Variants in ZNF66 observed in about 807,000 individuals in gnomAD.
ZNF66 encodes putative zinc finger protein 66.
In ZNF66, 32 loss-of-function variants were observed where a neutral mutation model predicts 35.2. That is an observed-to-expected ratio of 0.91 (90% CI 0.69 to 1.22). The LOEUF is 1.22. Ranked by LOEUF, ZNF66 falls within the 50% of genes most tolerant of loss-of-function variation. ZNF66 has a pLI of 0.00. For synonymous variants in ZNF66, 231 were observed against 181.3 expected, an observed-to-expected ratio of 1.27 and a Z score of -2.20; for missense variants, 666 against 543.1, an observed-to-expected ratio of 1.23 and a Z score of -2.25.
intron 2 of ZNF66, 30 bp from the exon 3 acceptor site, chr19:20,793,753 G>T: frequency 1.2e-6 from 1 of 814,996 alleles, no homozygotes; most frequent in Non-Finnish European, 1.8e-6. Context: ...ATGTGAGCAA[G>T]ATTCATGTTA....
At chr19:20,783,464 A>G (rs1437506061) in intron 1 of ZNF66, among the ~76,000 whole-genome samples, 1 of 152,172 alleles carries the variant, frequency 6.6e-6, no homozygotes, top group Non-Finnish European at 1.5e-5. Context: ...ACTCCAGATT[A>G]TCTTTATCTG....
chr19:20,778,551 A>G (rs916506239), intron 1 of ZNF66, among the ~76,000 whole-genome samples: 3 of 152,192 alleles, frequency 2.0e-5, no homozygotes. Flanking sequence ...TGGGAGGCCT[A>G]GACAGGTTGA....
chr19:20,792,945 A>G (rs1229248306), intron 2 of ZNF66, among the ~76,000 whole-genome samples: 2 of 151,990 alleles, frequency 1.3e-5, no homozygotes, highest in Non-Finnish European at 2.9e-5. Flanking sequence ...GCATGCACCT[A>G]TAATCCCAGG....
intron 3 of ZNF66, among the ~76,000 whole-genome samples, chr19:20,801,182 T>C (rs1971444243): frequency 6.6e-6 from 1 of 151,760 alleles, no homozygotes; most frequent in Non-Finnish European, 1.5e-5. Flanking sequence ...ATTTTCATGG[T>C]ACATAACTTT....
chr19:20,805,219 G>T (rs1243289394), intron 3 of ZNF66, among the ~76,000 whole-genome samples: 2 of 151,984 alleles, frequency 1.3e-5, no homozygotes, highest in African/African-American at 4.8e-5. Flanking sequence ...TGCCATTACA[G>T]AGTCTCACTC....
Position 20,806,607 on chromosome 19 carries a change from C to T in ZNF66, c.1007C>T (p.Thr336Ile), listed in dbSNP as rs775491114. The change falls in exon 4 of 4, where the codon ACT (threonine) becomes ATT (isoleucine). Residue 336 changes from threonine (T) to isoleucine (I), a missense_variant. Thr to Ile is a moderately conservative substitution (Grantham distance 89). Coordinates refer to ENST00000344519, the MANE Select transcript of ZNF66 (RefSeq NM_001355197.2). ...CTTACTACACATAAGAGAATTCATACTGGAGAGAAACCCTACAAATGTGAA... is the reference window on the plus strand; with the variant it reads ...CTTACTACACATAAGAGAATTCATATTGGAGAGAAACCCTACAAATGTGAA... Reference protein sequence around the residue: ...SHLTTHKRIHTGEKPYKCEEC... With the variant: ...SHLTTHKRIHIGEKPYKCEEC... 2.1e-5 allele frequency: 34 copies of T among 1,593,022 alleles called. No homozygotes were observed. Among genetic ancestry groups the T allele is most frequent in the Non-Finnish European group, 2.8e-5 (32 of 1,162,176 alleles).
At chr19:20,799,065 C>CTTTTTTTTTTTTTTTTT in intron 3 of ZNF66, 1 of 128,152 alleles carries the variant, frequency 7.8e-6, no homozygotes, top group African/African-American at 3.0e-5. Context: ...TTCTTTCTTT[C>CTTTTTTTTTTTTTTTTT]TTTTTTTTTT....
chr19:20,798,978 G>T (rs1971420973), intron 3 of ZNF66: 1 of 150,944 alleles, frequency 6.6e-6, no homozygotes, highest in South Asian at 2.1e-4. Flanking sequence ...CAAAATACAT[G>T]TATTTTCAAT....
At chr19:20,776,550 T>G in intron 1 of ZNF66, 100 bp downstream of exon 1, 1 of 1,403,012 alleles carries the variant, frequency 7.1e-7, no homozygotes, top group Non-Finnish European at 1.0e-6. Context: ...CGAATTCTCC[T>G]TACCCAGCTC....
chr19:20,801,919 A>G (rs898685859), intron 3 of ZNF66, among the ~76,000 whole-genome samples: 1 of 152,028 alleles, frequency 6.6e-6, no homozygotes, highest in Non-Finnish European at 1.5e-5. Context: ...CAAAGATTAC[A>G]TTTCATTTCA....
At chr19:20,805,789 T>C (rs775597961) in intron 3 of ZNF66, 38 bp from the exon 4 acceptor site, 30 of 523,100 alleles carry the variant, frequency 5.7e-5, no homozygotes, top group Non-Finnish European at 9.3e-5. Flanking sequence ...TATCTGAGTC[T>C]AGCAAGTGAA....
At chr19:20,776,497 C>G (rs781122747) in intron 1 of ZNF66, 47 bp downstream of exon 1, 1 of 1,518,884 alleles carries the variant, frequency 6.6e-7, no homozygotes, top group Admixed American at 1.7e-5. Context: ...GTGTCTGTGG[C>G]GGGACTCAGG....
intron 2 of ZNF66, among the ~76,000 whole-genome samples, chr19:20,793,297 ATTTTC>A (rs562862450): frequency 0.02 from 2,250 of 114,558 alleles, 90 homozygotes; most frequent in African/African-American, 0.042. Flanking sequence ...AATTGAAAGT[ATTTTC>A]TTTTCTTTTC....
At position 20,808,895 on chromosome 19, in the gene ZNF66, T is replaced by C. The variant is rs887504931; in HGVS notation, c.*1573T>C. Among the ~76,000 whole-genome samples, 1 of 151,740 alleles carries C rather than the reference T, an allele frequency of 6.6e-6. No homozygotes were observed. Among genetic ancestry groups the C allele is most frequent in the South Asian group, 2.1e-4 (1 of 4,802 alleles). On this transcript the variant is annotated 3_prime_UTR_variant, in exon 4 of 4. Coordinates refer to ENST00000344519, the MANE Select transcript of ZNF66 (RefSeq NM_001355197.2). ...AGAAGGCTTCAGACGATCAAACTAC[T>C]CCGAGCTACAGGAGGAAATTCAAAC...
At chr19:20,802,662 G>A (rs1293719154) in intron 3 of ZNF66, among the ~76,000 whole-genome samples, 5 of 145,896 alleles carry the variant, frequency 3.4e-5, no homozygotes, top group Non-Finnish European at 7.6e-5. Flanking sequence ...GTATCCTGAT[G>A]TTGTTGAGGA....
intron 3 of ZNF66, among the ~76,000 whole-genome samples, chr19:20,801,388 G>C (rs571548921): frequency 1.5e-5 from 2 of 133,812 alleles, no homozygotes; most frequent in Admixed American, 1.4e-4. Context: ...TTGTTACCCA[G>C]GCTGGAGTGC....
intron 3 of ZNF66, among the ~76,000 whole-genome samples, chr19:20,805,122 T>TGAGA (rs1410372242): frequency 4.2e-4 from 60 of 143,786 alleles, no homozygotes; most frequent in African/African-American, 1.4e-3. Context: ...TGTGTGTGTG[T>TGAGA]GTGTGAGAGA....
At chr19:20,786,545 C>T (rs1971288779) in intron 1 of ZNF66, among the ~76,000 whole-genome samples, 1 of 152,180 alleles carries the variant, frequency 6.6e-6, no homozygotes, top group Non-Finnish European at 1.5e-5. Context: ...CATAAATCTG[C>T]AGCTTCAAAT....
Position 20,776,425 on chromosome 19 carries a change from C to T in ZNF66, c.-23C>T. ...ATTGGGAGATCCACAGCTAAGACGC[C>T]AGGACCCCCTGGAAGCCTAGAAATG... On this transcript the variant is annotated 5_prime_UTR_variant, in exon 1 of 4. Transcript: ENST00000344519. 6.4e-7 allele frequency: 1 copy of T among 1,558,146 alleles called. No individual in the cohort carries two copies.
Sources: allele counts gnomAD v4.1 joint callset (sites outside exome capture counted in the v4.1 genomes callset), GRCh38; gene constraint gnomAD v4.1.1; transcripts MANE v1.5; gene names NCBI Gene and HGNC (gene_info 2026-07-23, HGNC 2026-07-21).